The following RSRP1 variants were observed in gnomAD, a reference collection of about 807,000 sequenced individuals.
The protein encoded by RSRP1 is arginine/serine-rich protein 1.
RSRP1 carries 37 observed loss-of-function variants against 33.0 expected under a neutral mutation model. The observed-to-expected ratio is 1.12, with a 90% confidence interval of 0.86 to 1.48. The LOEUF (loss-of-function observed/expected upper bound fraction) is 1.48, where lower values mean the gene tolerates loss of function less well. Ranked by LOEUF, RSRP1 falls within the 40% of genes most tolerant of loss-of-function variation. RSRP1 has a pLI of 0.00. For missense variants in RSRP1, 402 were observed against 385.3 expected, an observed-to-expected ratio of 1.04 and a Z score of -0.36; for synonymous variants, 167 against 158.7, an observed-to-expected ratio of 1.05 and a Z score of -0.40.
At position 25,300,145 on chromosome 1, in the gene RSRP1, G is replaced by A. The variant is rs1301171380; in HGVS notation, c.-67+37833C>T. On this transcript the variant is annotated intron_variant, in intron 1 of 1. Transcript: ENST00000561867. The stretch of plus-strand genomic sequence containing the variant: ...ATCACTCCCGCAGAGTTAAAATTCC[G>A]CTGAGAAGTAGGAATCAGTGAGGTG... Among the ~76,000 whole-genome samples, 29 of 131,352 alleles carry A rather than the reference G, an allele frequency of 2.2e-4. 6 individuals carry two copies. Among genetic ancestry groups the A allele is most frequent in the African/African-American group, 7.1e-4 (27 of 38,100 alleles). The allele number at this position is 131,352 out of a possible 152,430, so 86.2% of individuals were successfully genotyped here.
rs141287614 is a variant in RSRP1 at position 25,301,080 on chromosome 1, G to C, written c.-67+36898C>G. On this transcript the variant is annotated intron_variant, in intron 1 of 1. Transcript: ENST00000561867. ...ATCAGACAGCAACGATACCCAGTTTGTCTGCCATGCTGGGTAAGGACAAGG... is the reference window on the plus strand; with the variant it reads ...ATCAGACAGCAACGATACCCAGTTTCTCTGCCATGCTGGGTAAGGACAAGG... The C allele has an allele frequency of 1.1e-5, 15 of 1,376,450 alleles. 2 individuals are homozygous for C. The African/African-American group carries it at 2.0e-4, about 18-fold the overall frequency. 85.3% of individuals were successfully genotyped at this position (1,376,450 alleles called of 1,614,324 possible).
chr1:25,331,707 ACAGGCG>A, intron 1 of RSRP1, among the ~76,000 whole-genome samples: 1 of 117,746 alleles, frequency 8.5e-6, no homozygotes, highest in East Asian at 2.0e-4. Context: ...AGCTGGGACT[ACAGGCG>A]TCCGCCAAGA....
At chr1:25,255,528 C>T (rs1267231743) in intron 1 of RSRP1, among the ~76,000 whole-genome samples, 1 of 152,150 alleles carries the variant, frequency 6.6e-6, no homozygotes. Context: ...CCAACCCTTT[C>T]GGCAACAGGG....
intron 1 of RSRP1, among the ~76,000 whole-genome samples, chr1:25,317,809 G>A (rs1459937844): frequency 1.2e-5 from 1 of 81,626 alleles, no homozygotes; most frequent in East Asian, 2.4e-4. Flanking sequence ...TGTGTGTTGA[G>A]GGAACAGTAA....
rs1331467846 is a variant in RSRP1 at position 25,305,419 on chromosome 1, C to CA, written c.-67+32558dup. Among the ~76,000 whole-genome samples the CA allele has an allele frequency of 2.5e-4, 31 of 126,160 alleles. 5 individuals are homozygous for CA. Among genetic ancestry groups the CA allele is most frequent in the African/African-American group, 8.6e-4 (31 of 36,168 alleles). The allele number at this position is 126,160 out of a possible 152,430, so 82.8% of individuals were successfully genotyped here. A position where few individuals can be genotyped will look rare whatever the true frequency, so the allele number is the denominator to read the frequency against. ...TTATTTATTTATTTATTTATTGAGACAGAGTCTCATTCTGTCACCCAGGCT... is the reference window on the plus strand; with the variant it reads ...TTATTTATTTATTTATTTATTGAGACAAGAGTCTCATTCTGTCACCCAGGCT... On this transcript the variant is annotated intron_variant, in intron 1 of 1. Coordinates refer to the RSRP1 transcript ENST00000561867.
chr1:25,282,357 C>T (rs1451409818), intron 1 of RSRP1, among the ~76,000 whole-genome samples: 1 of 131,216 alleles, frequency 7.6e-6, no homozygotes, highest in Non-Finnish European at 1.8e-5. Flanking sequence ...GCCTGCCTCC[C>T]GAGTAGCTGG....
chr1:25,301,372 G>A, intron 1 of RSRP1: 2 of 815,116 alleles, frequency 2.5e-6, no homozygotes, highest in South Asian at 1.5e-5. Flanking sequence ...CAGCTTGAGA[G>A]CTCGGAGGGG....
At chr1:25,244,648 C>T in intron 3 of RSRP1, 5 of 1,234,946 alleles carry the variant, frequency 4.0e-6, no homozygotes, top group Non-Finnish European at 4.1e-6. Flanking sequence ...CAGCTAATAA[C>T]GGTGTTATAA....
chr1:25,274,624 A>C (rs147957492), intron 1 of RSRP1, among the ~76,000 whole-genome samples: 2,976 of 133,568 alleles, frequency 0.022, 795 homozygotes, highest in Non-Finnish European at 0.039. Context: ...AGGGTCATCC[A>C]AGTGAGGGCA....
Position 25,306,672 on chromosome 1 carries a change from G to C in RSRP1, c.-67+31306C>G. 1.5e-6 allele frequency: 2 copies of C among 1,378,664 alleles called. 1 individual carries two copies. The highest frequency in any genetic ancestry group is 2.0e-6 in the Non-Finnish European group (2 of 979,160). 85.4% of individuals were successfully genotyped at this position (1,378,664 alleles called of 1,614,324 possible). On this transcript the variant is annotated intron_variant, in intron 1 of 1. Coordinates refer to the RSRP1 transcript ENST00000561867. ...AACTTCAGCTTGCTGGGTCTGCTTG[G>C]AGAGATCATCTACATTGTGCTGCTG...
chr1:25,244,449 A>G, intron 3 of RSRP1: 1 of 1,289,424 alleles, frequency 7.8e-7, no homozygotes, highest in South Asian at 1.2e-5. Flanking sequence ...CCATGTATCA[A>G]TTACCAACAG....
chr1:25,286,708 C>A (rs976673079), intron 1 of RSRP1, among the ~76,000 whole-genome samples: 3 of 133,864 alleles, frequency 2.2e-5, no homozygotes, highest in Non-Finnish European at 5.3e-5. Flanking sequence ...ATGGCGTGAA[C>A]CCGGGAGGCG....
intron 1 of RSRP1, among the ~76,000 whole-genome samples, chr1:25,259,686 A>G (rs997315477): frequency 6.6e-6 from 1 of 151,508 alleles, no homozygotes; most frequent in Non-Finnish European, 1.5e-5. Flanking sequence ...CATTTTTACT[A>G]GACAGGGTTT....
rs114224354 is a variant in RSRP1, at chr1:25,255,417, G to A, written c.-66-8388C>T. ...GGCCCTGTGTAAAGATGAACTGTTC[G>A]ATCCTCATGCTGACAACAAATAACC... On this transcript the variant is annotated intron_variant, in intron 1 of 1. Transcript: ENST00000561867. 2.8e-3 allele frequency among the ~76,000 whole-genome samples: 422 copies of A among 152,218 alleles called. 2 individuals are homozygous for A. Among genetic ancestry groups the A allele is most frequent in the Non-Finnish European group, 4.5e-3 (307 of 68,026 alleles).
At chr1:25,256,096 C>T (rs114787173) in intron 1 of RSRP1, among the ~76,000 whole-genome samples, 1,926 of 151,394 alleles carry the variant, frequency 0.013, 45 homozygotes, top group African/African-American at 0.044. Flanking sequence ...GCAACTGTTT[C>T]GTTAAACGCT....
At position 25,321,905 on chromosome 1, in the gene RSRP1, T is replaced by C. The variant is rs1132772; in HGVS notation, c.-67+16073A>G. Reference sequence around the variant, plus strand: ...TTTAAACAGGTTTGCTCCTAAATCTTAAAATATGGAAAGCACCTCATGAGG... The same window carrying C: ...TTTAAACAGGTTTGCTCCTAAATCTCAAAATATGGAAAGCACCTCATGAGG... On this transcript the variant is annotated intron_variant, in intron 1 of 1. Transcript: ENST00000561867. 1.1e-4 allele frequency: 140 copies of C among 1,323,302 alleles called. 24 individuals are homozygous for C. Among genetic ancestry groups the C allele is most frequent in the East Asian group, 9.7e-4 (43 of 44,370 alleles). The allele number at this position is 1,323,302 out of a possible 1,614,324, so 82.0% of individuals were successfully genotyped here. A position where few individuals can be genotyped will look rare whatever the true frequency, so the allele number is the denominator to read the frequency against.
At chr1:25,246,018 C>G (rs1639354106) in intron 2 of RSRP1, 1 of 161,684 alleles carries the variant, frequency 6.2e-6, no homozygotes, top group Non-Finnish European at 1.4e-5. Flanking sequence ...TCCCCAAGTG[C>G]TGGGATTACA....
At chr1:25,322,788 C>T (rs540679093) in intron 1 of RSRP1, among the ~76,000 whole-genome samples, 2,740 of 123,266 alleles carry the variant, frequency 0.022, 398 homozygotes, top group African/African-American at 0.069. Context: ...GACCTAGAGA[C>T]GACTAGTGCT....
chr1:25,306,748 C>T lies in RSRP1; in HGVS notation c.-67+31230G>A, dbSNP rs1234125651. 3 of 1,374,238 alleles carry T rather than the reference C, an allele frequency of 2.2e-6. 1 individual carries two copies. The highest frequency in any genetic ancestry group is 3.1e-6 in the Non-Finnish European group (3 of 976,044). 85.1% of individuals were successfully genotyped at this position (1,374,238 alleles called of 1,614,324 possible). ...ATGGCATGTGGGTCACTGGGCTTACCCCCCATCCCCTTAACACTCCCCTCC... is the reference window on the plus strand; with the variant it reads ...ATGGCATGTGGGTCACTGGGCTTACTCCCCATCCCCTTAACACTCCCCTCC... On this transcript the variant is annotated intron_variant, in intron 1 of 1. Coordinates refer to the RSRP1 transcript ENST00000561867.
Sources: allele counts gnomAD v4.1 joint callset (sites outside exome capture counted in the v4.1 genomes callset), GRCh38; gene constraint gnomAD v4.1.1; transcripts MANE v1.5; gene names NCBI Gene and HGNC (gene_info 2026-07-23, HGNC 2026-07-21).